Variants in PITPNC1 observed in about 807,000 individuals in gnomAD.
PITPNC1 encodes the protein phosphatidylinositol transfer protein cytoplasmic 1, also known as cytoplasmic phosphatidylinositol transfer protein 1.
PITPNC1 carries 18 observed loss-of-function variants against 44.7 expected under a neutral mutation model. That is an observed-to-expected ratio of 0.40 (90% CI 0.28 to 0.60). The LOEUF is 0.60. Ranked by LOEUF, PITPNC1 falls within the 20% of genes least tolerant of loss-of-function variation. The probability of loss-of-function intolerance (pLI) is 0.39; values close to 1 mark genes in which losing one functional copy is unlikely to be tolerated. For synonymous variants in PITPNC1, 141 were observed against 149.6 expected (o/e 0.94, Z 0.42); for missense variants, 290 against 418.4 (o/e 0.69, Z 2.68).
chr17:67,497,263 A>G (rs1212421217), intron 1 of PITPNC1, among the ~76,000 whole-genome samples: 1 of 149,790 alleles, frequency 6.7e-6, no homozygotes, highest in Non-Finnish European at 1.5e-5. Flanking sequence ...TCAGTCGCCC[A>G]GGCTGGAGTG....
At chr17:67,382,680 A>C (rs1339907964) in intron 1 of PITPNC1, among the ~76,000 whole-genome samples, 1 of 152,084 alleles carries the variant, frequency 6.6e-6, no homozygotes, top group South Asian at 2.1e-4. Context: ...GCTGGAGTGC[A>C]GTGGGATGAT....
chr17:67,575,933 A>G (rs1598841575), intron 4 of PITPNC1, among the ~76,000 whole-genome samples: 1 of 132,008 alleles, frequency 7.6e-6, no homozygotes, highest in Admixed American at 8.6e-5. Flanking sequence ...CTGGAGTGCA[A>G]TGGCATGATC....
intron 1 of PITPNC1, among the ~76,000 whole-genome samples, chr17:67,491,629 A>G (rs1307686287): frequency 6.6e-6 from 1 of 152,188 alleles, no homozygotes; most frequent in Non-Finnish European, 1.5e-5. Flanking sequence ...ACTTGAGGCC[A>G]GGAGTCTAAG....
At chr17:67,419,059 A>C (rs745591046) in intron 1 of PITPNC1, among the ~76,000 whole-genome samples, 3 of 152,196 alleles carry the variant, frequency 2.0e-5, no homozygotes, top group Non-Finnish European at 2.9e-5. Flanking sequence ...CTCCCCAGGT[A>C]AGGGGCAGAG....
intron 1 of PITPNC1, among the ~76,000 whole-genome samples, chr17:67,469,567 C>T (rs918376477): frequency 1.3e-5 from 2 of 152,158 alleles, no homozygotes; most frequent in African/African-American, 4.8e-5. Flanking sequence ...CTCAGACCAG[C>T]GGCCCCAGGC....
intron 4 of PITPNC1, among the ~76,000 whole-genome samples, chr17:67,557,456 G>T (rs2040853497): frequency 6.6e-6 from 1 of 152,212 alleles, no homozygotes; most frequent in Non-Finnish European, 1.5e-5. Context: ...GCAGGTCGTG[G>T]TGTTTTCAAT....
At chr17:67,627,015 T>G (rs565008316) in intron 5 of PITPNC1, among the ~76,000 whole-genome samples, 2 of 151,706 alleles carry the variant, frequency 1.3e-5, no homozygotes, top group African/African-American at 4.8e-5. Flanking sequence ...CCCAGCACTT[T>G]GGGAGGCCAA....
intron 6 of PITPNC1, chr17:67,632,504 T>C (rs944526062): frequency 1.6e-5 from 8 of 514,944 alleles, no homozygotes; most frequent in South Asian, 4.8e-5. Context: ...TCAGTATCCA[T>C]AGGGCTGGAC....
At chr17:67,648,465 TG>T (rs775767175) in intron 6 of PITPNC1, among the ~76,000 whole-genome samples, 1 of 152,192 alleles carries the variant, frequency 6.6e-6, no homozygotes, top group African/African-American at 2.4e-5. Context: ...TGTATTAAGG[TG>T]GGGTCCTCTC....
chr17:67,665,917 T>G (rs1412602382), intron 6 of PITPNC1, among the ~76,000 whole-genome samples: 1 of 151,750 alleles, frequency 6.6e-6, no homozygotes, highest in African/African-American at 2.4e-5. Context: ...CTCGGCTCAC[T>G]GCAACCTCCG....
chr17:67,620,739 C>G (rs2041819248), intron 5 of PITPNC1, among the ~76,000 whole-genome samples: 1 of 152,214 alleles, frequency 6.6e-6, no homozygotes, highest in Admixed American at 6.5e-5. Flanking sequence ...TCCGGCCTAA[C>G]CCTGATGGAT....
rs534802912 is a variant in PITPNC1 at position 67,443,082 on chromosome 17, G to A, written c.48+64880G>A. 8.3e-4 allele frequency among the ~76,000 whole-genome samples: 126 copies of A among 152,030 alleles called. 1 individual carries two copies. Among genetic ancestry groups the A allele is most frequent in the Non-Finnish European group, 1.4e-3 (95 of 67,960 alleles). ...CTTGTTAATCCAGACTGCTGGGAGC[G>A]AAAATTCAGCCCCCTCGGTTTGGCG... On this transcript the variant is annotated intron_variant, in intron 1 of 8. Coordinates refer to ENST00000581322, the MANE Select transcript of PITPNC1 (RefSeq NM_012417.4).
chr17:67,425,120 C>G (rs1055623887), intron 1 of PITPNC1, among the ~76,000 whole-genome samples: 71 of 151,786 alleles, frequency 4.7e-4, no homozygotes, highest in Non-Finnish European at 6.9e-4. Context: ...TGATAATCCA[C>G]CACACTTCGC....
intron 6 of PITPNC1, among the ~76,000 whole-genome samples, chr17:67,649,568 C>T (rs2042187206): frequency 6.6e-6 from 1 of 152,156 alleles, no homozygotes; most frequent in South Asian, 2.1e-4. Flanking sequence ...ATCCCAGTCC[C>T]ACAAAGCTGC....
rs2144490226 is a variant in PITPNC1, at chr17:67,694,811, C to G, written c.*1923C>G. On this transcript the variant is annotated 3_prime_UTR_variant, in exon 9 of 9. Transcript: ENST00000581322. The stretch of plus-strand genomic sequence containing the variant: ...CTCGGACTTCTCAATCCCTCCCTCT[C>G]CACACAGTAGTACTTAATGAAAATG... The G allele has an allele frequency of 6.6e-6, 1 of 152,188 alleles. No homozygotes were observed. Among genetic ancestry groups the G allele is most frequent in the African/African-American group, 2.4e-5 (1 of 41,518 alleles). 9.4% of individuals were successfully genotyped at this position (152,188 alleles called of 1,614,324 possible). A position where few individuals can be genotyped will look rare whatever the true frequency, so the allele number is the denominator to read the frequency against.
intron 5 of PITPNC1, among the ~76,000 whole-genome samples, chr17:67,617,921 G>C (rs892987574): frequency 6.6e-6 from 1 of 152,014 alleles, no homozygotes; most frequent in African/African-American, 2.4e-5. Context: ...TCCAAACAAG[G>C]TCACATTCTG....
In PITPNC1 at chr17:67,599,149, T is replaced by C. The variant is rs145655969; in HGVS notation, c.366+20892T>C. Among the ~76,000 whole-genome samples the C allele has an allele frequency of 8.4e-3, 1,256 of 150,038 alleles. 20 individuals carry two copies. Among genetic ancestry groups the C allele is most frequent in the African/African-American group, 0.029 (1,178 of 40,842 alleles). On this transcript the variant is annotated intron_variant, in intron 5 of 8. Coordinates refer to ENST00000581322, the MANE Select transcript of PITPNC1 (RefSeq NM_012417.4). ...CTGGGATTACAGGCAAGAGCCACTG[T>C]GCCTGGCTAAGAAATAAATTTCTTT...
At chr17:67,406,594 T>TTC (rs1438048508) in intron 1 of PITPNC1, among the ~76,000 whole-genome samples, 1 of 150,820 alleles carries the variant, frequency 6.6e-6, no homozygotes, top group Non-Finnish European at 1.5e-5. Flanking sequence ...ATATATAGTT[T>TTC]TTTTTTTTTT....
rs571272051 is a variant in PITPNC1, at chr17:67,513,489, G to GTATATA, written c.49-19294_49-19289dup. 1.5e-3 allele frequency among the ~76,000 whole-genome samples: 208 copies of GTATATA among 138,646 alleles called. 2 individuals are homozygous for GTATATA. Among genetic ancestry groups the GTATATA allele is most frequent in the Non-Finnish European group, 1.8e-3 (116 of 64,304 alleles). The allele number at this position is 138,646 out of a possible 152,430, so 91.0% of individuals were successfully genotyped here. Reference sequence around the variant, plus strand: ...ATATTTTTACTATATGTGTGTGTGTGTATATATATATATATATATATATAG... The same window carrying GTATATA: ...ATATTTTTACTATATGTGTGTGTGTGTATATATATATATATATATATATATATATAG... On this transcript the variant is annotated intron_variant, in intron 1 of 8. Transcript: ENST00000581322.
Sources: gnomAD v4.1 joint callset for allele counts (sites outside exome capture counted in the v4.1 genomes callset) on GRCh38, gnomAD v4.1.1 for gene constraint, MANE v1.5 for transcripts, NCBI Gene and HGNC (gene_info 2026-07-23, HGNC 2026-07-21) for gene names.